The following DYRK1A variants were observed in gnomAD, a reference collection of about 807,000 sequenced individuals.
DYRK1A encodes the protein dual specificity tyrosine-phosphorylation-regulated kinase 1A.
A neutral mutation model predicts 79.7 loss-of-function variants in DYRK1A; 9 were observed. The ratio of observed to expected loss-of-function variants is 0.11; its 90% CI spans 0.07 to 0.20. The LOEUF is 0.20. DYRK1A is among the 10% of genes least tolerant of loss of function. DYRK1A has a pLI of 1.00. For missense variants in DYRK1A, 622 were observed against 956.0 expected, an observed-to-expected ratio of 0.65 and a Z score of 4.61; for synonymous variants, 349 against 329.7, an observed-to-expected ratio of 1.06 and a Z score of -0.63.
rs1294076354 is a variant in DYRK1A at position 37,512,927 on chromosome 21, T to G, written c.*396T>G. Reference sequence around the variant, plus strand: ...GCATAAAGGGCCCCATGAGGGTGTTTTTTTTTTTTCTTTTTGTCCCCCCCA... The same window carrying G: ...GCATAAAGGGCCCCATGAGGGTGTTGTTTTTTTTTCTTTTTGTCCCCCCCA... On this transcript the variant is annotated 3_prime_UTR_variant, in exon 12 of 12. Coordinates refer to ENST00000647188, the MANE Select transcript of DYRK1A (RefSeq NM_001347721.2). The G allele has an allele frequency of 1.5e-5, 2 of 136,558 alleles. No individual in the cohort carries two copies. The highest frequency in any genetic ancestry group is 6.8e-5 in the Admixed American group (1 of 14,668). The allele number at this position is 136,558 out of a possible 1,614,324, so 8.5% of individuals were successfully genotyped here.
At chr21:37,432,147 C>T (rs1196533474) in intron 2 of DYRK1A, among the ~76,000 whole-genome samples, 1 of 151,970 alleles carries the variant, frequency 6.6e-6, no homozygotes, top group East Asian at 1.9e-4. Flanking sequence ...TGACAGTATA[C>T]TGTCATATAC....
At chr21:37,488,904 G>A (rs2052973651) in intron 6 of DYRK1A, 1 of 970,806 alleles carries the variant, frequency 1.0e-6, no homozygotes, top group Non-Finnish European at 1.2e-6. Context: ...CCTATAAACT[G>A]AAGTGACTAA....
chr21:37,427,026 A>G (rs1170572007), intron 2 of DYRK1A, among the ~76,000 whole-genome samples: 1 of 152,244 alleles, frequency 6.6e-6, no homozygotes, highest in Non-Finnish European at 1.5e-5. Context: ...TTCAACATAC[A>G]AATAACAGGA....
chr21:37,468,435 A>AT (rs2052109324), intron 2 of DYRK1A, among the ~76,000 whole-genome samples: 1 of 152,134 alleles, frequency 6.6e-6, no homozygotes, highest in Non-Finnish European at 1.5e-5. Context: ...GAAGAACAGA[A>AT]TTTCCTGTTG....
intron 2 of DYRK1A, among the ~76,000 whole-genome samples, chr21:37,427,728 C>T (rs1195374477): frequency 6.6e-6 from 1 of 152,098 alleles, no homozygotes; most frequent in Non-Finnish European, 1.5e-5. Flanking sequence ...ACAGTTTATG[C>T]TTCTACCAGC....
At chr21:37,474,853 T>G (rs2052343900) in intron 3 of DYRK1A, among the ~76,000 whole-genome samples, 1 of 152,218 alleles carries the variant, frequency 6.6e-6, no homozygotes, top group Non-Finnish European at 1.5e-5. Flanking sequence ...TCTTCCATAG[T>G]TCTTAAATTC....
intron 9 of DYRK1A, 45 bp downstream of exon 9, chr21:37,496,303 T>G: frequency 6.4e-7 from 1 of 1,564,890 alleles, no homozygotes; most frequent in Non-Finnish European, 8.7e-7. Context: ...TAAATTTCTT[T>G]ATCATACCTG....
intron 8 of DYRK1A, among the ~76,000 whole-genome samples, chr21:37,494,616 A>G (rs185758390): frequency 1.3e-5 from 2 of 151,834 alleles, no homozygotes; most frequent in African/African-American, 2.4e-5. Flanking sequence ...TCCTCATCCC[A>G]TAGTTCTTAG....
intron 11 of DYRK1A, among the ~76,000 whole-genome samples, chr21:37,507,260 C>T (rs570030731): frequency 6.6e-6 from 1 of 152,292 alleles, no homozygotes; most frequent in African/African-American, 2.4e-5. Context: ...ACTCATTGCC[C>T]TGATCCCCTC....
rs748303011 is a variant in DYRK1A, at chr21:37,463,348, G to A, written c.11-9336G>A. 9.2e-5 allele frequency among the ~76,000 whole-genome samples: 14 copies of A among 152,268 alleles called. No individual in the cohort carries two copies. In the East Asian group the frequency reaches 2.7e-3, roughly 29 times the overall value. On this transcript the variant is annotated intron_variant, in intron 2 of 11. Transcript: ENST00000647188. The stretch of plus-strand genomic sequence containing the variant: ...TCATTAGACTTTTTGCATAGTCACA[G>A]TCATTGCTTACTTTCACTTTAATAT...
intron 3 of DYRK1A, among the ~76,000 whole-genome samples, chr21:37,474,561 T>C (rs1459025397): frequency 3.3e-5 from 5 of 152,208 alleles, no homozygotes; most frequent in African/African-American, 9.6e-5. Flanking sequence ...TTCAAGGTCT[T>C]GGCCGGCTCA....
In DYRK1A at chr21:37,440,379, C is replaced by T. The variant is rs181444207; in HGVS notation, c.10+19995C>T. On this transcript the variant is annotated intron_variant, in intron 2 of 11. Transcript: ENST00000647188. ...CTCGAACTCCTGACCTCAAGTGATC[C>T]GCCTGCCTCAGCCTTCCAAAGTGTT... is the stretch of plus-strand genomic sequence containing the variant. 2.1e-4 allele frequency among the ~76,000 whole-genome samples: 32 copies of T among 151,896 alleles called. 1 individual carries two copies. Among genetic ancestry groups the T allele is most frequent in the East Asian group, 1.9e-4 (1 of 5,166 alleles).
intron 1 of DYRK1A, among the ~76,000 whole-genome samples, chr21:37,415,014 C>T (rs1380734379): frequency 6.6e-6 from 1 of 152,140 alleles, no homozygotes; most frequent in Admixed American, 6.6e-5. Context: ...TTCTCCCCTT[C>T]AGTTTTAGAA....
chr21:37,457,025 C>CTTAT (rs2051664350), intron 2 of DYRK1A, among the ~76,000 whole-genome samples: 2 of 77,026 alleles, frequency 2.6e-5, no homozygotes, highest in East Asian at 7.5e-4. Flanking sequence ...TACTTACTTA[C>CTTAT]TTACTTACTT....
Position 37,505,399 on chromosome 21 carries a change from C to G in DYRK1A, c.1329C>G (p.Phe443Leu). The change falls in exon 10 of 12, where the codon TTC becomes TTG. Residue 443 changes from phenylalanine to leucine, a missense_variant. Phe to Leu is a conservative substitution (Grantham distance 22). Coordinates refer to ENST00000647188, the MANE Select transcript of DYRK1A (RefSeq NM_001347721.2). Reference sequence around the variant, plus strand: ...ATACGGTCGCTGACTACTTGAAGTTCAAAGACCTCATTTTAAGGATGCTTG... The same window carrying G: ...ATACGGTCGCTGACTACTTGAAGTTGAAAGACCTCATTTTAAGGATGCTTG... ...SGHTVADYLK[F>L]KDLILRMLDY... is the part of the protein sequence containing the mutation. 1.2e-6 allele frequency: 2 copies of G among 1,614,182 alleles called. No individual in the cohort carries two copies. The highest frequency in any genetic ancestry group is 1.7e-6 in the Non-Finnish European group (2 of 1,180,044).
chr21:37,425,179 C>G (rs984507902), intron 2 of DYRK1A, among the ~76,000 whole-genome samples: 1 of 152,138 alleles, frequency 6.6e-6, no homozygotes. Flanking sequence ...TCCTGAAGGT[C>G]AGGGGGTTAA....
chr21:37,425,260 G>A (rs1054958693), intron 2 of DYRK1A, among the ~76,000 whole-genome samples: 8 of 152,238 alleles, frequency 5.3e-5, no homozygotes, highest in African/African-American at 1.9e-4. Context: ...CTCAGCAAAT[G>A]CAAAAAGAAT....
chr21:37,499,584 T>TA (rs1336310832), intron 9 of DYRK1A, among the ~76,000 whole-genome samples: 3 of 152,242 alleles, frequency 2.0e-5, no homozygotes, highest in African/African-American at 7.2e-5. Context: ...ATTTAGGGCT[T>TA]AAAATCTCTC....
At chr21:37,409,497 T>G (rs1304118195) in intron 1 of DYRK1A, among the ~76,000 whole-genome samples, 1 of 152,204 alleles carries the variant, frequency 6.6e-6, no homozygotes, top group East Asian at 1.9e-4. Context: ...TCCATTGTCA[T>G]GAACTTTTTA....
Sources: allele counts gnomAD v4.1 joint callset (sites outside exome capture counted in the v4.1 genomes callset), GRCh38; gene constraint gnomAD v4.1.1; transcripts MANE v1.5; gene names NCBI Gene and HGNC (gene_info 2026-07-23, HGNC 2026-07-21).